The following RBFOX1 variants were observed in gnomAD, a reference collection of about 807,000 sequenced individuals.
RBFOX1 encodes the protein RNA binding protein fox-1 homolog 1.
A neutral mutation model predicts 57.7 loss-of-function variants in RBFOX1; 8 were observed. The observed-to-expected ratio is 0.14, with a 90% confidence interval of 0.08 to 0.25. The LOEUF is 0.25. RBFOX1 is among the 10% of genes least tolerant of loss of function. The pLI is 1.00. For synonymous variants in RBFOX1, 326 were observed against 222.4 expected, an observed-to-expected ratio of 1.47 and a Z score of -4.15; for missense variants, 611 against 548.5, an observed-to-expected ratio of 1.11 and a Z score of -1.14.
At chr16:6,215,469 G>GGAGAGGGA (rs560079655) in intron 1 of RBFOX1, among the ~76,000 whole-genome samples, 2,683 of 151,324 alleles carry the variant, frequency 0.018, 43 homozygotes, top group Non-Finnish European at 0.023. Flanking sequence ...AGGGAGAGGG[G>GGAGAGGGA]GAGAGGGAGA....
intron 9 of RBFOX1, 151 bp from the exon 10 acceptor site, chr16:7,607,134 T>A (rs2095312688): frequency 3.4e-6 from 2 of 595,692 alleles, no homozygotes; most frequent in Non-Finnish European, 5.6e-6. Flanking sequence ...GTGTGGTTTT[T>A]AAGTATTTTT....
At chr16:6,647,928 G>T (rs952341337) in intron 2 of RBFOX1, among the ~76,000 whole-genome samples, 1 of 152,112 alleles carries the variant, frequency 6.6e-6, no homozygotes, top group South Asian at 2.1e-4. Context: ...TGCAACATCA[G>T]TCTACAGGGT....
chr16:7,650,060 A>G lies in RBFOX1; in HGVS notation c.758-3755A>G, dbSNP rs987609843. On this transcript the variant is annotated intron_variant, in intron 11 of 15. Transcript: ENST00000550418. ...GGAAGGACAGGAGGGAGGGAAGACA[A>G]AAGGAAGGAAGAAAAAGGGAGGGGA... Among the ~76,000 whole-genome samples, 3 of 151,842 alleles carry G rather than the reference A, an allele frequency of 2.0e-5. No homozygotes were observed. The East Asian group carries it at 5.8e-4, about 30-fold the overall frequency.
chr16:6,383,634 A>G (rs61114446), intron 2 of RBFOX1, among the ~76,000 whole-genome samples: 2,373 of 152,114 alleles, frequency 0.016, 68 homozygotes, highest in African/African-American at 0.053. Flanking sequence ...TTAGCCGCGT[A>G]TGGTGTGTGC....
chr16:7,655,847 T>A (rs909548040), intron 12 of RBFOX1, among the ~76,000 whole-genome samples: 2 of 152,214 alleles, frequency 1.3e-5, no homozygotes, highest in South Asian at 2.1e-4. Flanking sequence ...ATGACCAATT[T>A]ATAAACATCT....
chr16:6,703,349 G>T (rs1024044821), intron 3 of RBFOX1, among the ~76,000 whole-genome samples: 1 of 152,100 alleles, frequency 6.6e-6, no homozygotes, highest in East Asian at 1.9e-4. Context: ...TGAGGCAGGA[G>T]GTTTGCTTGA....
chr16:5,823,585 G>C (rs779251298), intron 3 of RBFOX1, among the ~76,000 whole-genome samples: 11 of 152,122 alleles, frequency 7.2e-5, no homozygotes, highest in Non-Finnish European at 1.5e-4. Context: ...AGTAAGTGAA[G>C]CTTCATCTTT....
At chr16:7,386,659 T>A (rs777630106) in intron 4 of RBFOX1, among the ~76,000 whole-genome samples, 11 of 152,182 alleles carry the variant, frequency 7.2e-5, no homozygotes, top group Non-Finnish European at 4.4e-5. Flanking sequence ...CCAAGTCTTT[T>A]TTATTGTGAA....
At chr16:6,355,466 A>G (rs372824413) in intron 2 of RBFOX1, among the ~76,000 whole-genome samples, 3 of 152,114 alleles carry the variant, frequency 2.0e-5, no homozygotes, top group East Asian at 1.9e-4. Context: ...ACATGAACTC[A>G]TCCTTTTTTA....
At chr16:6,148,592 A>G (rs182383371) in intron 1 of RBFOX1, among the ~76,000 whole-genome samples, 44 of 152,290 alleles carry the variant, frequency 2.9e-4, no homozygotes, top group Non-Finnish European at 5.3e-4. Flanking sequence ...CCTAGGTAGT[A>G]GATGAATCCC....
chr16:7,244,298 C>G (rs1441456890), intron 4 of RBFOX1, among the ~76,000 whole-genome samples: 7 of 146,386 alleles, frequency 4.8e-5, no homozygotes, highest in South Asian at 2.2e-4. Context: ...ATTAACTACA[C>G]TTCAGTCCTT....
intron 3 of RBFOX1, among the ~76,000 whole-genome samples, chr16:5,632,303 C>A (rs572380036): frequency 6.6e-6 from 1 of 152,212 alleles, no homozygotes; most frequent in African/African-American, 2.4e-5. Flanking sequence ...GGTTCCCAAC[C>A]CACATCAATC....
chr16:5,538,476 C>G (rs2044792354), intron 2 of RBFOX1, among the ~76,000 whole-genome samples: 1 of 152,112 alleles, frequency 6.6e-6, no homozygotes, highest in Non-Finnish European at 1.5e-5. Flanking sequence ...TTACATGTTT[C>G]AAGGATCAAT....
chr16:7,201,759 G>A lies in RBFOX1; in HGVS notation c.27+149661G>A, dbSNP rs1412469366. ...ACTACAGGCAAGAGCCACCATGCCC[G>A]GCCGATCTGATTCTTATTTACAAAG... On this transcript the variant is annotated intron_variant, in intron 4 of 15. Transcript: ENST00000550418. 4.6e-5 allele frequency among the ~76,000 whole-genome samples: 7 copies of A among 152,074 alleles called. 1 individual carries two copies. The highest frequency in any genetic ancestry group is 1.9e-4 in the East Asian group (1 of 5,184).
At chr16:7,030,662 C>A (rs1316015740) in intron 3 of RBFOX1, among the ~76,000 whole-genome samples, 1 of 152,166 alleles carries the variant, frequency 6.6e-6, no homozygotes, top group East Asian at 1.9e-4. Context: ...TTCTCTTGAT[C>A]CTTACCTTAT....
At chr16:7,183,029 G>T (rs375928813) in intron 4 of RBFOX1, among the ~76,000 whole-genome samples, 2 of 152,104 alleles carry the variant, frequency 1.3e-5, no homozygotes, top group East Asian at 1.9e-4. Context: ...CACATAATGG[G>T]CACACAACAA....
chr16:5,725,242 A>G (rs1014528093), intron 3 of RBFOX1, among the ~76,000 whole-genome samples: 2 of 151,804 alleles, frequency 1.3e-5, no homozygotes, highest in African/African-American at 4.8e-5. Context: ...TTTAAAAATT[A>G]TTTTCTATTT....
intron 3 of RBFOX1, among the ~76,000 whole-genome samples, chr16:5,688,339 A>G (rs1169983312): frequency 2.6e-4 from 40 of 152,224 alleles, no homozygotes; most frequent in Non-Finnish European, 4.4e-5. Flanking sequence ...CAAGAATTTT[A>G]TATCAGTGAG....
chr16:6,352,355 T>A (rs1216563609), intron 2 of RBFOX1, among the ~76,000 whole-genome samples: 3 of 152,180 alleles, frequency 2.0e-5, no homozygotes, highest in African/African-American at 7.2e-5. Context: ...CTATCCGTAT[T>A]TGTTGAAATA....
Sources: allele counts gnomAD v4.1 joint callset (sites outside exome capture counted in the v4.1 genomes callset), GRCh38; gene constraint gnomAD v4.1.1; transcripts MANE v1.5; gene names NCBI Gene and HGNC (gene_info 2026-07-23, HGNC 2026-07-21).